The following GUK1 variants were observed in gnomAD, a reference collection of about 807,000 sequenced individuals.
The protein encoded by GUK1 is guanylate kinase 1.
Under a neutral mutation model 25.2 loss-of-function variants are expected in GUK1, and 18 were observed. The observed-to-expected ratio is 0.71, with a 90% CI of 0.49 to 1.06. GUK1 has a LOEUF of 1.06. Among genes scored for constraint, GUK1 ranks in the 50% least tolerant of loss-of-function variants. GUK1 has a pLI of 0.00. For synonymous variants in GUK1, 105 were observed against 117.6 expected, an observed-to-expected ratio of 0.89 and a Z score of 0.69; for missense variants, 261 against 276.7, an observed-to-expected ratio of 0.94 and a Z score of 0.40.
intron 2 of GUK1, chr1:228,141,740 G>T: frequency 7.5e-7 from 1 of 1,325,700 alleles, no homozygotes; most frequent in East Asian, 5.5e-5. Context: ...GAGCGTTCTG[G>T]CAGAGACCAT....
In GUK1 at chr1:228,147,415, G is replaced by A. The variant is rs144608344; in HGVS notation, c.261G>A (p.Ala87=). ...TGGCACCTCTCCCCAGCAAGGTGGC[G>A]GTGCAGGCCGTGCAGGCCATGAACC... The change falls in exon 6 of 9, where the codon GCG becomes GCA. Residue 87 remains alanine, a synonymous_variant. Coordinates refer to ENST00000312726, the MANE Select transcript of GUK1 (RefSeq NM_000858.7). 1.1e-3 allele frequency: 1,841 copies of A among 1,610,816 alleles called. 2 individuals carry two copies. The highest frequency in any genetic ancestry group is 5.2e-3 in the Middle Eastern group (28 of 5,422).
chr1:228,147,011 C>T, intron 5 of GUK1, 73 bp downstream of exon 4: 5 of 999,858 alleles, frequency 5.0e-6, no homozygotes, highest in Non-Finnish European at 6.4e-6. Context: ...GTGCCTGCTG[C>T]CTGCCCGCCA....
At chr1:228,141,647 A>G (rs762842233) in intron 2 of GUK1, 4 of 1,210,392 alleles carry the variant, frequency 3.3e-6, no homozygotes, top group East Asian at 1.3e-4. Flanking sequence ...GCTGGAAGCC[A>G]GAAGGAGGAG....
intron 2 of GUK1, chr1:228,144,349 A>C (rs2034243437): frequency 6.6e-6 from 1 of 152,236 alleles, no homozygotes; most frequent in African/African-American, 2.4e-5. Flanking sequence ...AGTTGTGTCC[A>C]AGGTGTGCGT....
intron 2 of GUK1, among the ~76,000 whole-genome samples, chr1:228,142,683 T>A (rs1431062652): frequency 6.6e-6 from 1 of 151,970 alleles, no homozygotes; most frequent in Non-Finnish European, 1.5e-5. Flanking sequence ...ACTTGCTGCT[T>A]GCGAGGAAAG....
intron 4 of GUK1, 102 bp from the exon 4 acceptor site, chr1:228,146,740 T>G: frequency 1.3e-6 from 1 of 781,472 alleles, no homozygotes; most frequent in Non-Finnish European, 2.3e-6. Flanking sequence ...CAGTCGTGGG[T>G]GTGGGAGGGG....
chr1:228,143,045 G>A (rs1466633720), intron 2 of GUK1, among the ~76,000 whole-genome samples: 1 of 152,178 alleles, frequency 6.6e-6, no homozygotes, highest in Admixed American at 6.5e-5. Flanking sequence ...TCTTCTGCCT[G>A]TGGGCCCAGC....
rs923868679 is a variant in GUK1, at chr1:228,145,895, G to C, written c.113-131G>C. ...GAACCCTCGCCTTGTAGGCTCCTGC[G>C]CCTTCCCAGTGGTGTGCTTCACTGG... On this transcript the variant is annotated intron_variant, in intron 3 of 8. Coordinates refer to ENST00000312726, the MANE Select transcript of GUK1 (RefSeq NM_000858.7). The C allele has an allele frequency of 5.2e-6, 4 of 776,012 alleles. No homozygotes were observed. The African/African-American group carries it at 6.8e-5, about 13-fold the overall frequency. The allele number at this position is 776,012 out of a possible 1,614,324, so 48.1% of individuals were successfully genotyped here. A position where few individuals can be genotyped will look rare whatever the true frequency, so the allele number is the denominator to read the frequency against.
chr1:228,143,373 G>A (rs1173331868), intron 2 of GUK1, among the ~76,000 whole-genome samples: 1 of 152,202 alleles, frequency 6.6e-6, no homozygotes, highest in Non-Finnish European at 1.5e-5. Context: ...TCCCATATCG[G>A]GTCCTTCGAA....
chr1:228,148,151 C>T (rs1427806572), intron 7 of GUK1: 4 of 648,500 alleles, frequency 6.2e-6, no homozygotes, highest in Admixed American at 2.2e-5. Context: ...GGTGTCCAGA[C>T]CCAAGTTCTG....
intron 2 of GUK1, among the ~76,000 whole-genome samples, chr1:228,142,589 G>A (rs532863013): frequency 1.3e-5 from 2 of 152,300 alleles, no homozygotes; most frequent in Non-Finnish European, 2.9e-5. Context: ...GGGCCCACCA[G>A]CGTCTGCTGT....
intron 7 of GUK1, chr1:228,148,024 C>T (rs931970403): frequency 5.2e-6 from 3 of 581,274 alleles, no homozygotes; most frequent in Non-Finnish European, 6.1e-6. Context: ...TGTGCATCCT[C>T]TTACAGCTGT....
upstream of GUK1, chr1:228,140,145 T>C (rs2033960757): frequency 4.8e-6 from 3 of 629,612 alleles, no homozygotes; most frequent in South Asian, 5.8e-5. Flanking sequence ...GAGGCGGGGC[T>C]AGCGAGGCAC....
upstream of GUK1, chr1:228,140,208 G>T: frequency 1.0e-6 from 1 of 1,001,450 alleles, no homozygotes; most frequent in South Asian, 1.4e-5. Flanking sequence ...ACATGGGCGG[G>T]GCAGTCGCCT....
At chr1:228,143,761 T>C (rs1260889582) in intron 2 of GUK1, among the ~76,000 whole-genome samples, 1 of 152,044 alleles carries the variant, frequency 6.6e-6, no homozygotes, top group Non-Finnish European at 1.5e-5. Context: ...GCCAGGTTAG[T>C]GGGGAGGCCC....
rs748069100 is a variant in GUK1, at chr1:228,147,711, G to A, written c.475+12G>A. 2.0e-5 allele frequency: 33 copies of A among 1,610,280 alleles called. No individual in the cohort carries two copies. Among genetic ancestry groups the A allele is most frequent in the Non-Finnish European group, 2.1e-5 (25 of 1,177,930 alleles). ...CGACATGGAGAGCAGTGAGTGTGCC[G>A]TGGGATCACCAGGGAATGCCAGGAG... is the stretch of plus-strand genomic sequence containing the variant. On this transcript the variant is annotated intron_variant, in intron 7 of 8. Coordinates refer to ENST00000312726, the MANE Select transcript of GUK1 (RefSeq NM_000858.7).
At position 228,141,229 on chromosome 1, in the gene GUK1, C is replaced by T; in HGVS notation, c.-62C>T. 3.6e-5 allele frequency: 35 copies of T among 984,658 alleles called. No homozygotes were observed. The highest frequency in any genetic ancestry group is 4.2e-5 in the Non-Finnish European group (35 of 829,198). 61.0% of individuals were successfully genotyped at this position (984,658 alleles called of 1,614,324 possible). On this transcript the variant is annotated 5_prime_UTR_variant, in exon 2 of 9. Transcript: ENST00000312726. Reference sequence around the variant, plus strand: ...AGACCCAAACATAGCCGCGCAGCATCGTGAAGGGCTGGGGCCTTCACTCCT... The same window carrying T: ...AGACCCAAACATAGCCGCGCAGCATTGTGAAGGGCTGGGGCCTTCACTCCT...
At chr1:228,141,762 G>A (rs2034068903) in intron 2 of GUK1, 1 of 1,313,356 alleles carries the variant, frequency 7.6e-7, no homozygotes, top group African/African-American at 1.5e-5. Flanking sequence ...CCGGAACATG[G>A]ATCTGCGCCG....
Position 228,148,733 on chromosome 1 carries a change from C to G in GUK1, c.*36C>G. 1 of 1,610,582 alleles carries G rather than the reference C, an allele frequency of 6.2e-7. No homozygotes were observed. The highest frequency in any genetic ancestry group is 8.5e-7 in the Non-Finnish European group (1 of 1,179,548). On this transcript the variant is annotated 3_prime_UTR_variant, in exon 9 of 9. Transcript: ENST00000312726. ...CTGTTCTCGGCACCCCGGGCCCATACAGGACCAGGGCAGCAGCATTGAGCC... is the reference window on the plus strand; with the variant it reads ...CTGTTCTCGGCACCCCGGGCCCATAGAGGACCAGGGCAGCAGCATTGAGCC...
Sources: allele counts gnomAD v4.1 joint callset (sites outside exome capture counted in the v4.1 genomes callset), GRCh38; gene constraint gnomAD v4.1.1; transcripts MANE v1.5; gene names NCBI Gene and HGNC (gene_info 2026-07-23, HGNC 2026-07-21).